U2SURP: variants seen among roughly 807,000 people sequenced by gnomAD.
U2SURP encodes U2 snRNP-associated SURP motif-containing protein.
In U2SURP, 9 loss-of-function variants were observed where a neutral mutation model predicts 144.9. That is an observed-to-expected ratio of 0.06 (90% CI 0.04 to 0.11). The LOEUF is 0.11. U2SURP is among the 10% of genes least tolerant of loss of function. U2SURP has a pLI of 1.00. For synonymous variants in U2SURP, 408 were observed against 396.8 expected, an observed-to-expected ratio of 1.03 and a Z score of -0.33; for missense variants, 724 against 1,226.7, an observed-to-expected ratio of 0.59 and a Z score of 6.12.
chr3:143,007,185 T>C (rs911194741), intron 1 of U2SURP, among the ~76,000 whole-genome samples: 1 of 152,224 alleles, frequency 6.6e-6, no homozygotes, highest in Admixed American at 6.5e-5. Flanking sequence ...CTGTCTGCTT[T>C]CTCTGCCTTA....
rs1932924663 is a variant in U2SURP at position 143,023,021 on chromosome 3, C to T, written c.1187C>T (p.Ala396Val). 6.2e-7 allele frequency: 1 copy of T among 1,610,476 alleles called. No individual in the cohort carries two copies. Among genetic ancestry groups the T allele is most frequent in the South Asian group, 1.1e-5 (1 of 90,196 alleles). Reference sequence around the variant, plus strand: ...AGAGAGCGGTTAAAAAACCCTAATGCTCCTATGTTACCGCCACCTAAAAAC... The same window carrying T: ...AGAGAGCGGTTAAAAAACCCTAATGTTCCTATGTTACCGCCACCTAAAAAC... ...QPRERLKNPN[A>V]PMLPPPKNKE... The change falls in exon 12 of 28, where the codon GCT (alanine) becomes GTT (valine). Residue 396 changes from alanine to valine, a missense_variant. Around this residue, in one of 13 missense-constraint regions of U2SURP, gnomAD observed 64 missense variants for 164.1 expected, o/e 0.39. Transcript: ENST00000473835.
chr3:143,045,366 C>CAA (rs11356372), intron 24 of U2SURP, among the ~76,000 whole-genome samples: 181 of 75,170 alleles, frequency 2.4e-3, no homozygotes, highest in Admixed American at 3.0e-3. Flanking sequence ...GAGACGCCGT[C>CAA]AAAAAAAAAA....
rs780012659 is a variant in U2SURP at position 143,022,846 on chromosome 3, C to G, written c.1019-7C>G. ...TAACAAAATGACCTTTCATTTCTTT[C>G]TTGTAGGAAAAATGATTATGTCTTT... On this transcript the variant is annotated splice_region_variant and splice_polypyrimidine_tract_variant and intron_variant, in intron 11 of 27. Transcript: ENST00000473835. 2 of 1,545,852 alleles carry G rather than the reference C, an allele frequency of 1.3e-6. No homozygotes were observed. The highest frequency in any genetic ancestry group is 4.4e-5 in the Admixed American group (2 of 45,800).
chr3:143,048,936 C>T (rs1028128104), intron 24 of U2SURP, among the ~76,000 whole-genome samples: 1 of 151,682 alleles, frequency 6.6e-6, no homozygotes, highest in Non-Finnish European at 1.5e-5. Context: ...GTATAAGAAA[C>T]ATTCATGAAG....
chr3:143,022,589 C>G lies in U2SURP; in HGVS notation c.945C>G (p.Ala315=), dbSNP rs745802302. ...GGCCTAGAACTGATGAAGAAAGAGC[C>G]AGAGAGAGAAATTGCGGCTTTGTGG... ...IMWPRTDEER[A]RERNCGFVAF... Residue 315 remains alanine, a synonymous_variant, in exon 11 of 28, where the codon GCC becomes GCG. Coordinates refer to ENST00000473835, the MANE Select transcript of U2SURP (RefSeq NM_001080415.2). 1.2e-5 allele frequency: 20 copies of G among 1,613,626 alleles called. No homozygotes were observed. Among genetic ancestry groups the G allele is most frequent in the Non-Finnish European group, 1.6e-5 (19 of 1,179,770 alleles).
chr3:143,019,583 C>A (rs1302201143), intron 6 of U2SURP, among the ~76,000 whole-genome samples: 1 of 152,160 alleles, frequency 6.6e-6, no homozygotes, highest in Non-Finnish European at 1.5e-5. Context: ...AAGAAGGATT[C>A]CAAAAGTAGA....
chr3:143,030,159 G>T (rs541788057), intron 16 of U2SURP, among the ~76,000 whole-genome samples: 1 of 152,232 alleles, frequency 6.6e-6, no homozygotes, highest in Non-Finnish European at 1.5e-5. Flanking sequence ...CACATTGTCA[G>T]TGTAGACAAA....
chr3:143,036,991 G>T, intron 20 of U2SURP, 188 bp from the exon 21 acceptor site: 1 of 572,928 alleles, frequency 1.7e-6, no homozygotes, highest in African/African-American at 1.9e-5. Flanking sequence ...TGAGCACTTG[G>T]TAAATATTAG....
chr3:143,034,773 A>C, intron 18 of U2SURP, 115 bp from the exon 19 acceptor site: 2 of 645,286 alleles, frequency 3.1e-6, no homozygotes, highest in Non-Finnish European at 2.6e-6. Flanking sequence ...GATTTTTAAT[A>C]ATTTCTTGAT....
intron 12 of U2SURP, 88 bp from the exon 13 acceptor site, chr3:143,023,887 T>G: frequency 8.0e-7 from 1 of 1,253,168 alleles, no homozygotes; most frequent in Non-Finnish European, 1.2e-6. Context: ...TATGTAGTAT[T>G]TTCAATGCAT....
At chr3:143,051,602 C>CAAAAAAAAAAAAAAAAAAA (rs3041537) in intron 25 of U2SURP, among the ~76,000 whole-genome samples, 5 of 90,620 alleles carry the variant, frequency 5.5e-5, no homozygotes, top group Middle Eastern at 7.4e-3. Context: ...ACTGTCGTTG[C>CAAAAAAAAAAAAAAAAAAA]AAAAAAAAAA....
intron 13 of U2SURP, chr3:143,025,727 G>T (rs1429970827): frequency 6.6e-6 from 1 of 152,078 alleles, no homozygotes; most frequent in Non-Finnish European, 1.5e-5. Flanking sequence ...TGAATTAGTA[G>T]TTTTAAATGC....
intron 4 of U2SURP, among the ~76,000 whole-genome samples, chr3:143,015,103 T>C (rs564934862): frequency 3.9e-5 from 6 of 152,230 alleles, no homozygotes; most frequent in Admixed American, 3.9e-4. Context: ...CTGTCAGTAG[T>C]GTATGAATGA....
chr3:143,009,395 C>T (rs952128785), intron 1 of U2SURP, among the ~76,000 whole-genome samples: 1 of 151,774 alleles, frequency 6.6e-6, no homozygotes, highest in South Asian at 2.1e-4. Context: ...GTCAGGAGTT[C>T]GAGACCAGCC....
chr3:143,021,896 T>C (rs1054294691), intron 10 of U2SURP, among the ~76,000 whole-genome samples: 1 of 152,084 alleles, frequency 6.6e-6, no homozygotes, highest in South Asian at 2.1e-4. Context: ...AGTAGTAAAC[T>C]ACTCTTTGTG....
chr3:143,037,438 G>T, intron 21 of U2SURP, 103 bp downstream of exon 21: 1 of 1,083,650 alleles, frequency 9.2e-7, no homozygotes, highest in South Asian at 1.7e-5. Flanking sequence ...AGTTTCTCAT[G>T]AACGTATCAA....
chr3:143,033,477 G>T lies in U2SURP; in HGVS notation c.1853+127G>T. The T allele has an allele frequency of 5.3e-6, 3 of 564,702 alleles. No individual in the cohort carries two copies. In the South Asian group the frequency reaches 7.0e-5, roughly 13 times the overall value. 35.0% of individuals were successfully genotyped at this position (564,702 alleles called of 1,614,324 possible). A position where few individuals can be genotyped will look rare whatever the true frequency, so the allele number is the denominator to read the frequency against. ...TACAGTCAGCCCTCCATGTCTGTGGGTTCCTTATCCATGAATTCAACCAAC... is the reference window on the plus strand; with the variant it reads ...TACAGTCAGCCCTCCATGTCTGTGGTTTCCTTATCCATGAATTCAACCAAC... On this transcript the variant is annotated intron_variant, in intron 18 of 27. Transcript: ENST00000473835.
At chr3:143,018,458 C>T (rs1936483078) in intron 6 of U2SURP, among the ~76,000 whole-genome samples, 1 of 152,042 alleles carries the variant, frequency 6.6e-6, no homozygotes, top group African/African-American at 2.4e-5. Context: ...AGTAGATGGA[C>T]ATTTGGATTG....
intron 27 of U2SURP, 59 bp from the exon 28 acceptor site, chr3:143,056,253 A>G (rs1578181608): frequency 6.6e-7 from 1 of 1,521,034 alleles, no homozygotes; most frequent in Non-Finnish European, 8.9e-7. Flanking sequence ...GTTTAAGGAT[A>G]AACAGTTTTG....
Sources: gnomAD v4.1 joint callset for allele counts (sites outside exome capture counted in the v4.1 genomes callset) on GRCh38, gnomAD v4.1.1 for gene constraint, gnomAD v4.1.1 regional missense constraint, MANE v1.5 for transcripts, NCBI Gene and HGNC (gene_info 2026-07-23, HGNC 2026-07-21) for gene names.